Variants in BNIP1 observed in about 807,000 individuals in gnomAD.
BNIP1 encodes BCL2 interacting protein 1.
Under a neutral mutation model 28.5 loss-of-function variants are expected in BNIP1, and 25 were observed. That is an observed-to-expected ratio of 0.88 (90% CI 0.64 to 1.23). BNIP1 has a LOEUF of 1.23. BNIP1 is among the 50% of genes most tolerant of loss of function. The pLI, the probability that BNIP1 is intolerant of heterozygous loss-of-function variation, is 0.00. For synonymous variants in BNIP1, 118 were observed against 101.7 expected, an observed-to-expected ratio of 1.16 and a Z score of -0.96; for missense variants, 276 against 277.0, an observed-to-expected ratio of 1.00 and a Z score of 0.02.
chr5:173,160,590 C>T (rs916468440), intron 5 of BNIP1, among the ~76,000 whole-genome samples: 6 of 152,124 alleles, frequency 3.9e-5, no homozygotes, highest in African/African-American at 1.4e-4. Flanking sequence ...TCAGGGGGAG[C>T]ATTCCCATGT....
intron 3 of BNIP1, among the ~76,000 whole-genome samples, chr5:173,157,418 T>G (rs905712692): frequency 3.9e-5 from 6 of 151,930 alleles, no homozygotes; most frequent in Admixed American, 1.3e-4. Context: ...CTGTCAACAT[T>G]TCTTTTTTTT....
chr5:173,154,122 AG>A (rs892781305), intron 2 of BNIP1, among the ~76,000 whole-genome samples, 199 bp from the exon 3 acceptor site: 1 of 152,100 alleles, frequency 6.6e-6, no homozygotes, highest in Admixed American at 6.6e-5. Context: ...TTTGGGCCAT[AG>A]GGGTTTTCCT....
intron 2 of BNIP1, among the ~76,000 whole-genome samples, chr5:173,148,083 A>AAAATATAT (rs1759906154): frequency 5.0e-5 from 2 of 40,300 alleles, no homozygotes; most frequent in South Asian, 1.6e-3. Flanking sequence ...AAAAAAAAAA[A>AAAATATAT]ATATATATAT....
intron 2 of BNIP1, chr5:173,151,616 T>A (rs1760023117): frequency 6.2e-7 from 1 of 1,613,992 alleles, no homozygotes; most frequent in Non-Finnish European, 8.5e-7. Context: ...CATTTTTTTT[T>A]AAGCTAACTT....
intron 2 of BNIP1, among the ~76,000 whole-genome samples, chr5:173,149,769 A>G (rs1342357539): frequency 6.6e-6 from 1 of 152,212 alleles, no homozygotes; most frequent in Admixed American, 6.5e-5. Flanking sequence ...GGCATGTCAC[A>G]TGACAAAAGC....
rs1413766023 is a variant in BNIP1, at chr5:173,158,825, A to G, written c.351A>G (p.Gly117=). 2 of 1,613,848 alleles carry G rather than the reference A, an allele frequency of 1.2e-6. No individual in the cohort carries two copies. The highest frequency in any genetic ancestry group is 1.7e-6 in the Non-Finnish European group (2 of 1,179,842). The change falls in exon 4 of 6, where the codon GGA becomes GGG. Residue 117 remains glycine (G), a synonymous_variant. Coordinates refer to ENST00000351486, the MANE Select transcript of BNIP1 (RefSeq NM_001205.3). The part of the protein sequence containing the change: ...DNLEKAELLQ[G]GDLLRQRKTT... ...TAGAGAAAGCAGAACTTCTTCAGGGAGGAGATCTCTTAAGGCAAAGGTACC... is the reference window on the plus strand; with the variant it reads ...TAGAGAAAGCAGAACTTCTTCAGGGGGGAGATCTCTTAAGGCAAAGGTACC...
At chr5:173,163,577 C>G in intron 5 of BNIP1, 148 bp from the exon 6 acceptor site, 1 of 668,718 alleles carries the variant, frequency 1.5e-6, no homozygotes, top group Non-Finnish European at 2.4e-6. Context: ...CTTGTCAGCT[C>G]CTTGGCTGGT....
chr5:173,163,703 C>T, intron 5 of BNIP1, 22 bp from the exon 6 acceptor site: 1 of 1,556,740 alleles, frequency 6.4e-7, no homozygotes, highest in South Asian at 1.2e-5. Context: ...CTGAGTTGGG[C>T]CTCCTTCCTC....
intron 2 of BNIP1, among the ~76,000 whole-genome samples, chr5:173,148,084 ATATATATATATATATATAT>A (rs1197786276): frequency 0.017 from 283 of 16,994 alleles, 37 homozygotes; most frequent in Middle Eastern, 0.062. Flanking sequence ...AAAAAAAAAA[ATATATATATATATATATAT>A]ATATATATAT....
chr5:173,161,013 G>T (rs928694031), intron 5 of BNIP1: 6 of 360,066 alleles, frequency 1.7e-5, no homozygotes, highest in South Asian at 1.3e-4. Flanking sequence ...AATTGCACAC[G>T]TGGACAAAAG....
At chr5:173,160,571 G>A (rs757447209) in intron 5 of BNIP1, among the ~76,000 whole-genome samples, 30 of 152,188 alleles carry the variant, frequency 2.0e-4, no homozygotes, top group South Asian at 1.0e-3. Context: ...CACCCCCATC[G>A]ATGTTTCCTC....
At chr5:173,154,769 ACC>A (rs1760133222) in intron 3 of BNIP1, among the ~76,000 whole-genome samples, 1 of 151,982 alleles carries the variant, frequency 6.6e-6, no homozygotes, top group Non-Finnish European at 1.5e-5. Context: ...TGATTCACCC[ACC>A]TTGGCTTCCC....
At chr5:173,146,442 TTAATCTCATCA>T (rs1438988666) in intron 1 of BNIP1, among the ~76,000 whole-genome samples, 4 of 152,214 alleles carry the variant, frequency 2.6e-5, no homozygotes, top group Admixed American at 2.0e-4. Context: ...ACTGGAGAAG[TTAATCTCATCA>T]TATGATGCCA....
chr5:173,145,712 G>T lies in BNIP1; in HGVS notation c.84+1083G>T, dbSNP rs566193162. ...GCCACCGCGCCCGGCCTAAACCTTGGTTTTTAAAAATAATCATTTTCAACA... is the reference window on the plus strand; with the variant it reads ...GCCACCGCGCCCGGCCTAAACCTTGTTTTTTAAAAATAATCATTTTCAACA... On this transcript the variant is annotated intron_variant, in intron 1 of 5. Transcript: ENST00000351486. Among the ~76,000 whole-genome samples, 8 of 152,282 alleles carry T rather than the reference G, an allele frequency of 5.3e-5. No individual in the cohort carries two copies. The South Asian group carries it at 1.7e-3, about 32-fold the overall frequency.
intron 2 of BNIP1, among the ~76,000 whole-genome samples, chr5:173,148,082 AAATATATATATATATATATATAT>A (rs1451989732): frequency 8.7e-5 from 4 of 45,956 alleles, no homozygotes; most frequent in African/African-American, 1.1e-4. Context: ...AAAAAAAAAA[AAATATATATATATATATATATAT>A]ATATATATAT....
intron 3 of BNIP1, among the ~76,000 whole-genome samples, chr5:173,155,590 C>T (rs1281911281): frequency 2.6e-5 from 4 of 151,950 alleles, no homozygotes; most frequent in East Asian, 1.9e-4. Context: ...CCCAGCTACT[C>T]GGGAGGCTGA....
intron 2 of BNIP1, 137 bp downstream of exon 2, chr5:173,147,095 CTG>C: frequency 1.5e-6 from 1 of 650,680 alleles, no homozygotes; most frequent in South Asian, 2.1e-5. Flanking sequence ...CTGTACTAAC[CTG>C]CTCTCCAGGT....
chr5:173,152,120 C>T (rs1760039866), intron 2 of BNIP1, among the ~76,000 whole-genome samples: 1 of 152,234 alleles, frequency 6.6e-6, no homozygotes, highest in Non-Finnish European at 1.5e-5. Context: ...AATTTGAGGA[C>T]TGCTCTCCCC....
intron 2 of BNIP1, among the ~76,000 whole-genome samples, chr5:173,147,337 G>A (rs1025748150): frequency 4.0e-5 from 6 of 151,898 alleles, no homozygotes; most frequent in African/African-American, 1.5e-4. Context: ...CCCAGGAGGC[G>A]GAGCTTGCAG....
Sources: allele counts gnomAD v4.1 joint callset (sites outside exome capture counted in the v4.1 genomes callset), GRCh38; gene constraint gnomAD v4.1.1; transcripts MANE v1.5; gene names NCBI Gene and HGNC (gene_info 2026-07-23, HGNC 2026-07-21).